The following PRKD1 variants were observed in gnomAD, a reference collection of about 807,000 sequenced individuals.
PRKD1 encodes the protein serine/threonine-protein kinase D1.
In PRKD1, 63 loss-of-function variants were observed where a neutral mutation model predicts 95.9. The ratio of observed to expected loss-of-function variants is 0.66; its 90% CI spans 0.54 to 0.81. The LOEUF is 0.81. Among genes scored for constraint, PRKD1 ranks in the 30% least tolerant of loss-of-function variants. PRKD1 has a pLI of 0.00. For missense variants in PRKD1, 1,048 were observed against 1,165.3 expected (o/e 0.90, Z 1.47); for synonymous variants, 425 against 423.1 (o/e 1.00, Z -0.05).
chr14:29,727,182 C>T (rs1346604371), intron 1 of PRKD1, among the ~76,000 whole-genome samples: 2 of 152,114 alleles, frequency 1.3e-5, no homozygotes, highest in Admixed American at 6.5e-5. Flanking sequence ...TGTCTTTTGG[C>T]TGCATAAATG....
Position 29,638,507 on chromosome 14 carries a change from C to T in PRKD1, c.967G>A (p.Glu323Lys), listed in dbSNP as rs1160777726. The T allele has an allele frequency of 1.2e-6, 2 of 1,614,170 alleles. No individual in the cohort carries two copies. Among genetic ancestry groups the T allele is most frequent in the Non-Finnish European group, 8.5e-7 (1 of 1,179,998 alleles). The change falls in exon 6 of 18, where the codon GAA (glutamate) becomes AAA (lysine). Residue 323 changes from glutamate (E) to lysine (K), a missense_variant. This residue lies in a region of PRKD1 where 739 missense variants were observed against 861.9 expected (regional missense o/e 0.86). Coordinates refer to ENST00000331968, the MANE Select transcript of PRKD1 (RefSeq NM_002742.3). Reference protein sequence around the residue: ...APKVPNNCLGEVTINGDLLSP... With the variant: ...APKVPNNCLGKVTINGDLLSP... ...TACCTACCTCCATTAATGGTCACTT[C>T]GCCAAGGCAGTTGTTTGGTACTTTC...
At chr14:29,773,164 TAA>T (rs1371375363) in intron 1 of PRKD1, among the ~76,000 whole-genome samples, 1 of 152,164 alleles carries the variant, frequency 6.6e-6, no homozygotes, top group Non-Finnish European at 1.5e-5. Flanking sequence ...AACTAGTTTT[TAA>T]AAGAGTGAAA....
At chr14:29,787,295 T>G (rs181531005) in intron 1 of PRKD1, among the ~76,000 whole-genome samples, 5 of 150,934 alleles carry the variant, frequency 3.3e-5, no homozygotes, top group South Asian at 4.2e-4. Flanking sequence ...AGAAGATGTG[T>G]ATTCTTCAGC....
intron 4 of PRKD1, among the ~76,000 whole-genome samples, chr14:29,647,393 A>G (rs1239490112): frequency 6.6e-6 from 1 of 152,274 alleles, no homozygotes; most frequent in Non-Finnish European, 1.5e-5. Context: ...GTTGCAAATT[A>G]CATGTACATT....
intron 1 of PRKD1, among the ~76,000 whole-genome samples, chr14:29,814,370 A>T (rs920253566): frequency 6.6e-6 from 1 of 152,182 alleles, no homozygotes; most frequent in Non-Finnish European, 1.5e-5. Flanking sequence ...AACAAAAAGC[A>T]CTTAAGAACC....
chr14:29,830,806 C>T lies in PRKD1; in HGVS notation c.264+96443G>A, dbSNP rs1047635483. 2.6e-5 allele frequency among the ~76,000 whole-genome samples: 4 copies of T among 152,066 alleles called. No homozygotes were observed. The East Asian group carries it at 5.8e-4, about 22-fold the overall frequency. On this transcript the variant is annotated intron_variant, in intron 1 of 17. Transcript: ENST00000331968. ...CTCCTGGGCTCAAGAGATCCTCTCA[C>T]CATAGTCTTCCCAGTAGCTGGGACT...
At chr14:29,622,997 G>A (rs148903075) in intron 13 of PRKD1, among the ~76,000 whole-genome samples, 54 of 152,330 alleles carry the variant, frequency 3.5e-4, no homozygotes, top group African/African-American at 1.1e-3. Flanking sequence ...CAAGGGCCAG[G>A]TTAGGAAAGA....
intron 1 of PRKD1, among the ~76,000 whole-genome samples, chr14:29,794,180 T>G (rs1889703989): frequency 6.6e-6 from 1 of 152,038 alleles, no homozygotes; most frequent in Admixed American, 6.6e-5. Flanking sequence ...ATTTTTGAGT[T>G]TTTATTTTAT....
At chr14:29,786,926 G>A (rs1001114984) in intron 1 of PRKD1, among the ~76,000 whole-genome samples, 2 of 151,698 alleles carry the variant, frequency 1.3e-5, no homozygotes, top group Middle Eastern at 3.4e-3. Flanking sequence ...TCACTAGGTT[G>A]TTTATTTGAA....
At position 29,630,864 on chromosome 14, in the gene PRKD1, T is replaced by A. The variant is rs778250867; in HGVS notation, c.1550A>T (p.Asn517Ile). The A allele has an allele frequency of 1.9e-6, 3 of 1,614,100 alleles. No homozygotes were observed. The highest frequency in any genetic ancestry group is 1.7e-4 in the Middle Eastern group (1 of 6,060). Residue 517 changes from asparagine to isoleucine, a missense_variant, in exon 10 of 18, where the codon AAC (asparagine) becomes ATC (isoleucine). By Grantham distance (149) the Asn-to-Ile change is moderately radical. Transcript: ENST00000331968. Reference sequence around the variant, plus strand: ...ACCAACGCCACTGGTGAGAACACTGTTATTTGGTGATGGGCTGGAAGGATT... The same window carrying A: ...ACCAACGCCACTGGTGAGAACACTGATATTTGGTGATGGGCTGGAAGGATT... Reference protein sequence around the residue: ...VVNPSSPSPNNSVLTSGVGAD... With the variant: ...VVNPSSPSPNISVLTSGVGAD...
chr14:29,637,336 C>G (rs1017921867), intron 6 of PRKD1, among the ~76,000 whole-genome samples: 1 of 152,076 alleles, frequency 6.6e-6, no homozygotes, highest in Non-Finnish European at 1.5e-5. Flanking sequence ...TAATATTGAA[C>G]CTGTCATTAT....
intron 1 of PRKD1, among the ~76,000 whole-genome samples, chr14:29,893,826 G>A (rs554982685): frequency 3.7e-4 from 57 of 152,128 alleles, no homozygotes; most frequent in African/African-American, 1.3e-3. Context: ...CAATCTCCTC[G>A]GCAATTACTG....
At chr14:29,893,860 T>C (rs1894025312) in intron 1 of PRKD1, among the ~76,000 whole-genome samples, 1 of 152,208 alleles carries the variant, frequency 6.6e-6, no homozygotes. Flanking sequence ...AGGCTATATT[T>C]AATTTCTGAA....
At chr14:29,713,653 T>C (rs1449070957) in intron 2 of PRKD1, among the ~76,000 whole-genome samples, 1 of 152,142 alleles carries the variant, frequency 6.6e-6, no homozygotes, top group African/African-American at 2.4e-5. Flanking sequence ...AACAAAGCCA[T>C]TCATAAATGG....
At chr14:29,650,491 C>T (rs1881423841) in intron 4 of PRKD1, 1 of 152,312 alleles carries the variant, frequency 6.6e-6, no homozygotes. Flanking sequence ...GCAAAGGAGA[C>T]AGAAATCTGC....
chr14:29,767,200 A>G (rs1458256939), intron 1 of PRKD1, among the ~76,000 whole-genome samples: 1 of 152,064 alleles, frequency 6.6e-6, no homozygotes, highest in East Asian at 1.9e-4. Flanking sequence ...CAATCTGCCC[A>G]GTTTCTGGAG....
At chr14:29,863,115 C>T (rs981850384) in intron 1 of PRKD1, among the ~76,000 whole-genome samples, 2 of 152,160 alleles carry the variant, frequency 1.3e-5, no homozygotes, top group East Asian at 1.9e-4. Flanking sequence ...CTTTCAATCA[C>T]CTCACAAGTG....
At chr14:29,669,686 G>A (rs542723999) in intron 2 of PRKD1, among the ~76,000 whole-genome samples, 41 of 152,250 alleles carry the variant, frequency 2.7e-4, no homozygotes, top group Admixed American at 2.3e-3. Flanking sequence ...TGGCCAACAC[G>A]GTAAAACCCT....
intron 6 of PRKD1, among the ~76,000 whole-genome samples, chr14:29,637,545 T>C (rs1415004887): frequency 6.6e-6 from 1 of 152,156 alleles, no homozygotes; most frequent in Non-Finnish European, 1.5e-5. Flanking sequence ...TCCCCTTAGT[T>C]ATAGTTATCC....
Sources: allele counts gnomAD v4.1 joint callset (sites outside exome capture counted in the v4.1 genomes callset), GRCh38; gene constraint gnomAD v4.1.1; regional missense constraint gnomAD v4.1.1; transcripts MANE v1.5; gene names NCBI Gene and HGNC (gene_info 2026-07-23, HGNC 2026-07-21).